The following CDH12 variants were observed in gnomAD, a reference collection of about 807,000 sequenced individuals.
CDH12 encodes cadherin 12, also known as cadherin-12.
A neutral mutation model predicts 74.1 loss-of-function variants in CDH12; 41 were observed. The observed-to-expected ratio is 0.55, with a 90% confidence interval of 0.43 to 0.72. The LOEUF is 0.72. Ranked by LOEUF, CDH12 falls within the 30% of genes least tolerant of loss-of-function variation. The probability of loss-of-function intolerance (pLI) is 0.00; values close to 1 mark genes in which losing one functional copy is unlikely to be tolerated. For synonymous variants in CDH12, 399 were observed against 355.0 expected, an observed-to-expected ratio of 1.12 and a Z score of -1.39; for missense variants, 945 against 977.2, an observed-to-expected ratio of 0.97 and a Z score of 0.44.
intron 6 of CDH12, among the ~76,000 whole-genome samples, chr5:21,859,309 C>T (rs544850644): frequency 1.3e-5 from 2 of 151,966 alleles, no homozygotes; most frequent in East Asian, 3.9e-4. Context: ...GCACCTTCTT[C>T]ACAGGGGAGC....
chr5:22,240,175 C>T (rs537950417), intron 3 of CDH12, among the ~76,000 whole-genome samples: 1 of 152,192 alleles, frequency 6.6e-6, no homozygotes, highest in South Asian at 2.1e-4. Context: ...TACTTAGATG[C>T]TTATGAAAAT....
At chr5:22,027,062 T>C (rs956349763) in intron 5 of CDH12, among the ~76,000 whole-genome samples, 1 of 152,170 alleles carries the variant, frequency 6.6e-6, no homozygotes, top group African/African-American at 2.4e-5. Context: ...TCTGCATCTA[T>C]TGAGATAATC....
intron 4 of CDH12, among the ~76,000 whole-genome samples, chr5:22,132,102 T>A (rs1746207964): frequency 6.6e-6 from 1 of 152,056 alleles, no homozygotes; most frequent in Non-Finnish European, 1.5e-5. Flanking sequence ...CCTCTCTGTC[T>A]CTATTTCTAA....
intron 1 of CDH12, among the ~76,000 whole-genome samples, chr5:22,831,426 C>T (rs1213946254): frequency 2.0e-5 from 3 of 147,702 alleles, no homozygotes; most frequent in African/African-American, 7.5e-5. Flanking sequence ...AAGTACAAGA[C>T]AGAGCATGGT....
At chr5:22,320,704 C>T (rs987850961) in intron 3 of CDH12, among the ~76,000 whole-genome samples, 1 of 152,174 alleles carries the variant, frequency 6.6e-6, no homozygotes, top group African/African-American at 2.4e-5. Flanking sequence ...GCTTTTCTCT[C>T]AGTATGATTT....
chr5:21,917,364 A>G (rs1312168449), intron 6 of CDH12, among the ~76,000 whole-genome samples: 2 of 152,182 alleles, frequency 1.3e-5, no homozygotes, highest in Non-Finnish European at 2.9e-5. Flanking sequence ...GAATGATTCT[A>G]CTGTCTAGTC....
intron 1 of CDH12, among the ~76,000 whole-genome samples, chr5:22,845,824 A>G (rs1335676011): frequency 6.6e-6 from 1 of 152,204 alleles, no homozygotes; most frequent in Non-Finnish European, 1.5e-5. Context: ...CTTTGATACT[A>G]TATCGGAGAG....
At chr5:21,957,260 C>T (rs1355137531) in intron 6 of CDH12, among the ~76,000 whole-genome samples, 5 of 152,096 alleles carry the variant, frequency 3.3e-5, no homozygotes, top group Admixed American at 2.6e-4. Flanking sequence ...TGATCTCATT[C>T]TTTTTTATAG....
At chr5:22,721,460 C>T (rs775916480) in intron 1 of CDH12, among the ~76,000 whole-genome samples, 5 of 152,176 alleles carry the variant, frequency 3.3e-5, no homozygotes, top group Non-Finnish European at 7.3e-5. Flanking sequence ...CTCATTGTAT[C>T]TTGGAAGTAA....
chr5:22,237,075 T>C (rs79883312), intron 3 of CDH12, among the ~76,000 whole-genome samples: 6,099 of 152,168 alleles, frequency 0.04, 438 homozygotes, highest in African/African-American at 0.14. Flanking sequence ...TATTACGTAC[T>C]GTATATAATT....
At chr5:22,490,484 G>C (rs1746814212) in intron 2 of CDH12, among the ~76,000 whole-genome samples, 1 of 150,826 alleles carries the variant, frequency 6.6e-6, no homozygotes. Context: ...GAGAACAGGA[G>C]AATTGAGAAA....
chr5:22,584,497 C>A (rs1267647774), intron 1 of CDH12, among the ~76,000 whole-genome samples: 1 of 152,090 alleles, frequency 6.6e-6, no homozygotes, highest in African/African-American at 2.4e-5. Context: ...AAATATAACA[C>A]AATTTAACTA....
chr5:22,496,519 A>C lies in CDH12; in HGVS notation c.-428+8751T>G, dbSNP rs140340613. 2.6e-5 allele frequency among the ~76,000 whole-genome samples: 4 copies of C among 152,320 alleles called. No homozygotes were observed. The East Asian group carries it at 7.7e-4, about 29-fold the overall frequency. On this transcript the variant is annotated intron_variant, in intron 2 of 14. Coordinates refer to ENST00000382254, the MANE Select transcript of CDH12 (RefSeq NM_004061.5). Reference sequence around the variant, plus strand: ...GTATGTCTTTGCTTTAAAATAGCACAAAAATTCCAAATAAATCTTTCTCAG... The same window carrying C: ...GTATGTCTTTGCTTTAAAATAGCACCAAAATTCCAAATAAATCTTTCTCAG...
chr5:22,460,332 A>G (rs1010001911), intron 2 of CDH12, among the ~76,000 whole-genome samples: 2 of 152,236 alleles, frequency 1.3e-5, no homozygotes, highest in Admixed American at 1.3e-4. Flanking sequence ...TGTGACAAAC[A>G]TCTCATTTCC....
rs991699104 is a variant in CDH12 at position 22,673,586 on chromosome 5, T to G, written c.-522-168222A>C. 2.0e-5 allele frequency among the ~76,000 whole-genome samples: 3 copies of G among 152,282 alleles called. 1 individual carries two copies. The highest frequency in any genetic ancestry group is 2.0e-4 in the Admixed American group (3 of 15,284). On this transcript the variant is annotated intron_variant, in intron 1 of 14. Transcript: ENST00000382254. ...TACAATAATAGGTCTTGCATAGTTT[T>G]TGCTTATTTCTAATGATAAGGATAT...
chr5:22,753,358 A>G (rs915135459), intron 1 of CDH12, among the ~76,000 whole-genome samples: 4 of 150,326 alleles, frequency 2.7e-5, no homozygotes, highest in African/African-American at 9.8e-5. Flanking sequence ...AATGGCGTGA[A>G]CCCGGGAGGC....
intron 4 of CDH12, among the ~76,000 whole-genome samples, chr5:22,124,420 G>A (rs778346900): frequency 2.0e-5 from 3 of 152,026 alleles, no homozygotes; most frequent in East Asian, 1.9e-4. Context: ...CACCATGCCC[G>A]GCCTTGCTTA....
At chr5:22,363,109 T>C (rs72636101) in intron 3 of CDH12, among the ~76,000 whole-genome samples, 1 of 151,872 alleles carries the variant, frequency 6.6e-6, no homozygotes, top group Non-Finnish European at 1.5e-5. Context: ...ACTACAGAAA[T>C]AAATGGAGCT....
chr5:22,828,382 A>G, intron 1 of CDH12, among the ~76,000 whole-genome samples: 1 of 152,206 alleles, frequency 6.6e-6, no homozygotes, highest in East Asian at 1.9e-4. Context: ...TTGGATAAAA[A>G]AATTTGATAG....
Sources: gnomAD v4.1 joint callset for allele counts (sites outside exome capture counted in the v4.1 genomes callset) on GRCh38, gnomAD v4.1.1 for gene constraint, MANE v1.5 for transcripts, NCBI Gene and HGNC (gene_info 2026-07-23, HGNC 2026-07-21) for gene names.